Variants in CDH8 observed in about 807,000 individuals in gnomAD.
CDH8 encodes cadherin-8.
In CDH8, 17 loss-of-function variants were observed where a neutral mutation model predicts 68.1. The ratio of observed to expected loss-of-function variants is 0.25; its 90% confidence interval spans 0.17 to 0.37. CDH8 has a LOEUF of 0.37. Among genes scored for constraint, CDH8 ranks in the 10% least tolerant of loss-of-function variants. The pLI, the probability that CDH8 is intolerant of heterozygous loss-of-function variation, is 1.00. For missense variants in CDH8, 763 were observed against 999.3 expected, an observed-to-expected ratio of 0.76 and a Z score of 3.19; for synonymous variants, 372 against 365.1, an observed-to-expected ratio of 1.02 and a Z score of -0.21.
intron 9 of CDH8, among the ~76,000 whole-genome samples, chr16:61,720,183 A>C (rs930902063): frequency 4.0e-5 from 6 of 150,976 alleles, no homozygotes; most frequent in African/African-American, 1.5e-4. Context: ...TAATGGTTAC[A>C]GCCATGTTAC....
At chr16:61,856,155 T>C (rs1260285726) in intron 4 of CDH8, among the ~76,000 whole-genome samples, 1 of 152,120 alleles carries the variant, frequency 6.6e-6, no homozygotes, top group African/African-American at 2.4e-5. Flanking sequence ...TAGAAATTTA[T>C]CTCAACAGCG....
intron 8 of CDH8, among the ~76,000 whole-genome samples, chr16:61,761,047 C>A (rs934808001): frequency 6.6e-6 from 1 of 152,134 alleles, no homozygotes; most frequent in African/African-American, 2.4e-5. Flanking sequence ...ACACCCATAT[C>A]ATCACATGAC....
At chr16:61,860,033 G>A (rs1745365743) in intron 3 of CDH8, among the ~76,000 whole-genome samples, 1 of 152,040 alleles carries the variant, frequency 6.6e-6, no homozygotes, top group Non-Finnish European at 1.5e-5. Flanking sequence ...TAGTAGACAC[G>A]TTTTTCACCA....
intron 10 of CDH8, among the ~76,000 whole-genome samples, chr16:61,698,163 C>T (rs116665847): frequency 0.012 from 1,788 of 152,316 alleles, 39 homozygotes; most frequent in African/African-American, 0.041. Flanking sequence ...ATTCTTTAAT[C>T]ACAGACTCCA....
At chr16:61,924,170 A>G (rs1964420972) in intron 2 of CDH8, among the ~76,000 whole-genome samples, 1 of 152,052 alleles carries the variant, frequency 6.6e-6, no homozygotes, top group Non-Finnish European at 1.5e-5. Context: ...TCTAAGTGGG[A>G]TGGTATTATT....
chr16:61,759,314 A>T (rs1267931213), intron 8 of CDH8, among the ~76,000 whole-genome samples: 1 of 152,120 alleles, frequency 6.6e-6, no homozygotes, highest in African/African-American at 2.4e-5. Context: ...TTACAGACAC[A>T]GATAATTTAT....
chr16:61,923,947 G>A (rs554206108), intron 2 of CDH8, among the ~76,000 whole-genome samples: 1 of 149,950 alleles, frequency 6.7e-6, no homozygotes, highest in East Asian at 1.9e-4. Flanking sequence ...CAGAATCATG[G>A]GTATCAGAAT....
intron 2 of CDH8, among the ~76,000 whole-genome samples, chr16:61,939,030 G>A (rs1446307913): frequency 6.6e-6 from 1 of 152,086 alleles, no homozygotes; most frequent in Non-Finnish European, 1.5e-5. Context: ...GGAAGATGAG[G>A]AAATCAACAA....
intron 2 of CDH8, among the ~76,000 whole-genome samples, chr16:62,010,134 G>A (rs1901771876): frequency 6.6e-6 from 1 of 152,146 alleles, no homozygotes; most frequent in African/African-American, 2.4e-5. Flanking sequence ...TTTCAAAAGG[G>A]ATTTATGTAC....
At chr16:61,925,385 A>T (rs1169888486) in intron 2 of CDH8, among the ~76,000 whole-genome samples, 1 of 152,230 alleles carries the variant, frequency 6.6e-6, no homozygotes, top group East Asian at 1.9e-4. Context: ...CCAGTTAAGA[A>T]TTAATCTCAA....
At chr16:61,999,921 C>T (rs1262076933) in intron 2 of CDH8, among the ~76,000 whole-genome samples, 1 of 152,032 alleles carries the variant, frequency 6.6e-6, no homozygotes. Flanking sequence ...TTTTAAGCCC[C>T]GCATGCATTA....
chr16:61,988,201 G>A (rs1965659341), intron 2 of CDH8, among the ~76,000 whole-genome samples: 1 of 150,676 alleles, frequency 6.6e-6, no homozygotes. Flanking sequence ...AACATAAGAA[G>A]TTATATTTTA....
intron 8 of CDH8, among the ~76,000 whole-genome samples, chr16:61,763,529 G>C (rs1033275510): frequency 5.3e-5 from 8 of 152,166 alleles, no homozygotes; most frequent in African/African-American, 1.9e-4. Flanking sequence ...TTGGGAGCTA[G>C]AGTTGAATGG....
chr16:61,984,333 A>G (rs1177844894), intron 2 of CDH8, among the ~76,000 whole-genome samples: 1 of 152,214 alleles, frequency 6.6e-6, no homozygotes, highest in Non-Finnish European at 1.5e-5. Context: ...GCATCAATAT[A>G]TGAAATCTGG....
chr16:61,854,565 G>T (rs1963006149), intron 4 of CDH8, among the ~76,000 whole-genome samples: 1 of 152,036 alleles, frequency 6.6e-6, no homozygotes, highest in South Asian at 2.1e-4. Context: ...CCCCTAATAA[G>T]CCATTGGCAC....
At chr16:61,898,522 T>C (rs1963909326) in intron 3 of CDH8, among the ~76,000 whole-genome samples, 1 of 152,070 alleles carries the variant, frequency 6.6e-6, no homozygotes, top group Admixed American at 6.5e-5. Flanking sequence ...TCCCCCTGGG[T>C]AAGTAGCTGA....
intron 2 of CDH8, among the ~76,000 whole-genome samples, chr16:61,950,496 C>T (rs1002703844): frequency 6.6e-6 from 1 of 152,158 alleles, no homozygotes; most frequent in Non-Finnish European, 1.5e-5. Context: ...GTCTATCCCA[C>T]TTATGACTTC....
intron 8 of CDH8, among the ~76,000 whole-genome samples, chr16:61,741,702 A>G (rs1363201537): frequency 6.6e-6 from 1 of 152,008 alleles, no homozygotes; most frequent in African/African-American, 2.4e-5. Context: ...CTTCTATTCC[A>G]TTGGTCTATT....
intron 8 of CDH8, among the ~76,000 whole-genome samples, chr16:61,736,973 T>G (rs905952092): frequency 6.6e-6 from 1 of 152,168 alleles, no homozygotes; most frequent in African/African-American, 2.4e-5. Flanking sequence ...GTCACAAAAG[T>G]CAGGCGGTTT....
Sources: gnomAD v4.1 joint callset for allele counts (sites outside exome capture counted in the v4.1 genomes callset) on GRCh38, gnomAD v4.1.1 for gene constraint, MANE v1.5 for transcripts, NCBI Gene and HGNC (gene_info 2026-07-23, HGNC 2026-07-21) for gene names.